The following FHIT variants were observed in gnomAD, a reference collection of about 807,000 sequenced individuals.
FHIT encodes the protein fragile histidine triad diadenosine triphosphatase.
FHIT carries 19 observed loss-of-function variants against 17.9 expected under a neutral mutation model. The observed-to-expected ratio is 1.06, with a 90% CI of 0.74 to 1.56. FHIT has a LOEUF of 1.56. FHIT is among the 40% of genes most tolerant of loss of function. FHIT has a pLI of 0.00. For missense variants in FHIT, 248 were observed against 189.2 expected (o/e 1.31, Z -1.82); for synonymous variants, 81 against 69.7 (o/e 1.16, Z -0.81).
chr3:60,890,409 G>C (rs1202158566), intron 3 of FHIT, among the ~76,000 whole-genome samples: 1 of 152,076 alleles, frequency 6.6e-6, no homozygotes, highest in Non-Finnish European at 1.5e-5. Flanking sequence ...CAAATGGAGC[G>C]GAACAACTAC....
intron 7 of FHIT, among the ~76,000 whole-genome samples, chr3:59,935,762 G>A (rs896331987): frequency 6.6e-6 from 1 of 151,992 alleles, no homozygotes; most frequent in African/African-American, 2.4e-5. Context: ...TGGACAGATA[G>A]GTGCATGGAT....
In FHIT at chr3:61,232,422, C is replaced by A. The variant is rs79955409; in HGVS notation, c.-213+18879G>T. Among the ~76,000 whole-genome samples the A allele has an allele frequency of 4.1e-4, 63 of 152,222 alleles. No homozygotes were observed. In the East Asian group the frequency reaches 0.012, roughly 28 times the overall value. On this transcript the variant is annotated intron_variant, in intron 1 of 9. Transcript: ENST00000492590. Reference sequence around the variant, plus strand: ...AGAAAAAACGTATTCCATAAACATACAATGGACACAGCACTCTGTGAGATG... The same window carrying A: ...AGAAAAAACGTATTCCATAAACATAAAATGGACACAGCACTCTGTGAGATG...
chr3:59,823,560 A>C (rs1164988329), intron 8 of FHIT, among the ~76,000 whole-genome samples: 5 of 152,144 alleles, frequency 3.3e-5, no homozygotes, highest in Admixed American at 6.5e-5. Context: ...AAGTCAATAA[A>C]TGTGATACAC....
chr3:61,143,925 T>C (rs185358453), intron 2 of FHIT, among the ~76,000 whole-genome samples: 16 of 152,222 alleles, frequency 1.1e-4, no homozygotes, highest in Admixed American at 7.9e-4. Context: ...AAGTGAAAAA[T>C]TGCATTCTTT....
chr3:60,049,772 A>C (rs912007146), intron 5 of FHIT, among the ~76,000 whole-genome samples: 1 of 152,204 alleles, frequency 6.6e-6, no homozygotes, highest in Non-Finnish European at 1.5e-5. Context: ...TTCACATTAT[A>C]CTTCTACCAG....
chr3:60,466,164 CTTGAA>C (rs2032780077), intron 5 of FHIT, among the ~76,000 whole-genome samples: 2 of 152,034 alleles, frequency 1.3e-5, no homozygotes, highest in South Asian at 4.1e-4. Context: ...GAATTACTTT[CTTGAA>C]TTATTTTTCA....
chr3:60,636,274 T>C (rs1232671594), intron 4 of FHIT, among the ~76,000 whole-genome samples: 2 of 152,152 alleles, frequency 1.3e-5, no homozygotes, highest in Non-Finnish European at 2.9e-5. Context: ...TTTCACCATG[T>C]TGGTCAGGAT....
chr3:60,526,917 A>G (rs1446600095), intron 5 of FHIT, among the ~76,000 whole-genome samples: 4 of 151,076 alleles, frequency 2.6e-5, no homozygotes, highest in African/African-American at 9.7e-5. Context: ...AGAAGAAAGC[A>G]TCCCTACACT....
intron 3 of FHIT, among the ~76,000 whole-genome samples, chr3:60,878,871 T>G (rs1394498350): frequency 5.3e-5 from 8 of 152,236 alleles, no homozygotes; most frequent in Admixed American, 1.3e-4. Context: ...TGTCACATTT[T>G]CTTAATCCAG....
At chr3:60,986,000 A>G (rs1222909752) in intron 3 of FHIT, among the ~76,000 whole-genome samples, 3 of 152,126 alleles carry the variant, frequency 2.0e-5, no homozygotes, top group African/African-American at 7.2e-5. Context: ...AACTCCTACT[A>G]CTAACGCTTA....
chr3:60,493,193 T>C (rs1318380612), intron 5 of FHIT, among the ~76,000 whole-genome samples: 1 of 152,104 alleles, frequency 6.6e-6, no homozygotes, highest in Non-Finnish European at 1.5e-5. Context: ...CAACATGAAA[T>C]TGACTTAAGG....
At chr3:61,195,884 C>T (rs2038839352) in intron 2 of FHIT, among the ~76,000 whole-genome samples, 1 of 152,020 alleles carries the variant, frequency 6.6e-6, no homozygotes, top group Non-Finnish European at 1.5e-5. Context: ...AGGTAGATGC[C>T]TAAAGTAGGC....
chr3:61,137,975 T>C (rs1362306412), intron 2 of FHIT, among the ~76,000 whole-genome samples: 3 of 152,232 alleles, frequency 2.0e-5, no homozygotes, highest in Non-Finnish European at 4.4e-5. Flanking sequence ...GCTACAAGTA[T>C]GAGCTCATAC....
At chr3:61,176,963 A>G (rs897614360) in intron 2 of FHIT, among the ~76,000 whole-genome samples, 1 of 152,122 alleles carries the variant, frequency 6.6e-6, no homozygotes, top group Non-Finnish European at 1.5e-5. Context: ...ATCACGAGGT[A>G]AGGAGATCGA....
intron 2 of FHIT, among the ~76,000 whole-genome samples, chr3:61,103,308 T>C (rs1307207731): frequency 6.6e-6 from 1 of 152,238 alleles, no homozygotes; most frequent in African/African-American, 2.4e-5. Flanking sequence ...CATTTCATTA[T>C]TTACCCAGTA....
At chr3:59,964,787 G>T (rs138382529) in intron 7 of FHIT, among the ~76,000 whole-genome samples, 98 of 151,964 alleles carry the variant, frequency 6.4e-4, no homozygotes, top group African/African-American at 2.2e-3. Context: ...AAAGCAAGTT[G>T]TATAATTATT....
intron 2 of FHIT, among the ~76,000 whole-genome samples, chr3:61,177,095 T>G (rs2038180942): frequency 6.6e-6 from 1 of 151,120 alleles, no homozygotes; most frequent in Non-Finnish European, 1.5e-5. Context: ...GAGAATGGTG[T>G]GAACCTGGGA....
At chr3:60,386,336 G>A (rs949652937) in intron 5 of FHIT, among the ~76,000 whole-genome samples, 2 of 151,994 alleles carry the variant, frequency 1.3e-5, no homozygotes, top group African/African-American at 2.4e-5. Flanking sequence ...TTACCTTTCC[G>A]GCAGCACATT....
intron 5 of FHIT, among the ~76,000 whole-genome samples, chr3:60,075,635 C>G (rs1046772510): frequency 2.6e-5 from 4 of 151,910 alleles, no homozygotes; most frequent in Non-Finnish European, 2.9e-5. Context: ...AGCTCTCAGA[C>G]CTGGTGGATG....
Sources: gnomAD v4.1 joint callset for allele counts (sites outside exome capture counted in the v4.1 genomes callset) on GRCh38, gnomAD v4.1.1 for gene constraint, MANE v1.5 for transcripts, NCBI Gene and HGNC (gene_info 2026-07-23, HGNC 2026-07-21) for gene names.